Variants in FBXO17 observed in about 807,000 individuals in gnomAD.
The protein encoded by FBXO17 is F-box only protein 17.
Under a neutral mutation model 34.1 loss-of-function variants are expected in FBXO17, and 43 were observed. The ratio of observed to expected loss-of-function variants is 1.26; its 90% CI spans 0.99 to 1.62. The LOEUF (loss-of-function observed/expected upper bound fraction) is 1.62, where lower values mean the gene tolerates loss of function less well. FBXO17 is among the 40% of genes most tolerant of loss of function. FBXO17 has a pLI of 0.00. For missense variants in FBXO17, 424 were observed against 386.7 expected (o/e 1.10, Z -0.81); for synonymous variants, 169 against 166.0 (o/e 1.02, Z -0.14).
Position 38,942,614 on chromosome 19 carries a change from C to G in FBXO17, c.831G>C (p.Leu277=). The G allele has an allele frequency of 6.4e-7, 1 of 1,573,408 alleles. No individual in the cohort carries two copies. The highest frequency in any genetic ancestry group is 1.2e-5 in the South Asian group (1 of 84,490). Reference sequence around the variant, plus strand: ...TCAGGCAGTAGTCCAGTCGCTAGGACAGACGGATCCTGACCCTCACACTGG... The same window carrying G: ...TCAGGCAGTAGTCCAGTCGCTAGGAGAGACGGATCCTGACCCTCACACTGG... ...THSSVRVRIR[L]S is the part of the protein sequence containing the mutation. The change falls in exon 6 of 6, where the codon CTG becomes CTC. Residue 277 remains leucine (L), a synonymous_variant. Transcript: ENST00000292852.
chr19:38,946,427 C>T, intron 4 of FBXO17, 45 bp downstream of exon 4: 2 of 1,612,160 alleles, frequency 1.2e-6, no homozygotes, highest in East Asian at 2.2e-5. Flanking sequence ...AGAGCCGCTG[C>T]CAAGCCTGCT....
intron 5 of FBXO17, among the ~76,000 whole-genome samples, chr19:38,943,898 A>AT (rs370909294): frequency 8.5e-5 from 13 of 152,184 alleles, no homozygotes; most frequent in African/African-American, 2.6e-4. Context: ...CCCAAAATTC[A>AT]TTTTTTAAAG....
chr19:38,968,651 C>A (rs1350374416), intron 1 of FBXO17, among the ~76,000 whole-genome samples: 1 of 152,056 alleles, frequency 6.6e-6, no homozygotes, highest in African/African-American at 2.4e-5. Flanking sequence ...TGGAAACACT[C>A]CAAATGTCTA....
chr19:38,970,211 A>AG (rs1975374292), intron 1 of FBXO17, among the ~76,000 whole-genome samples: 1 of 151,790 alleles, frequency 6.6e-6, no homozygotes, highest in Non-Finnish European at 1.5e-5. Context: ...CAAAAAAAAA[A>AG]AAAAATTTTT....
rs1975443944 is a variant in FBXO17 at position 38,975,157 on chromosome 19, TCA to T, written c.-18+427_-18+428del. Among the ~76,000 whole-genome samples the T allele has an allele frequency of 2.0e-5, 3 of 152,184 alleles. No homozygotes were observed. The highest frequency in any genetic ancestry group is 7.2e-5 in the African/African-American group (3 of 41,456). On this transcript the variant is annotated intron_variant, in intron 1 of 5. Transcript: ENST00000292852. This position sits in a 1 kb window ranked among gnomAD's most constrained non-coding sequence, Gnocchi z 4.9. ...GAAACCGCCCTCCAAGGCTTCTGAT[TCA>T]CAGATTCTGCGAAGGGACTGACGGC...
intron 1 of FBXO17, among the ~76,000 whole-genome samples, chr19:38,974,523 G>A (rs1208069975): frequency 6.6e-6 from 1 of 152,106 alleles, no homozygotes; most frequent in Non-Finnish European, 1.5e-5. Context: ...TAGAGAAGCC[G>A]AAAGTAATGT....
In FBXO17 at chr19:38,973,324, G is replaced by A. The variant is rs543092329; in HGVS notation, c.-18+2262C>T. On this transcript the variant is annotated intron_variant, in intron 1 of 5. Transcript: ENST00000292852. ...CAGGAGGTGGAGGTTGCAGTGAGCCGAGATTGTGCCACTGCACTCCAGCCT... is the reference window on the plus strand; with the variant it reads ...CAGGAGGTGGAGGTTGCAGTGAGCCAAGATTGTGCCACTGCACTCCAGCCT... Among the ~76,000 whole-genome samples the A allele has an allele frequency of 6.6e-5, 10 of 152,168 alleles. No homozygotes were observed. In the East Asian group the frequency reaches 1.8e-3, roughly 27 times the overall value.
At chr19:38,942,965 CA>C (rs1160004547) in intron 5 of FBXO17, among the ~76,000 whole-genome samples, 1 of 152,178 alleles carries the variant, frequency 6.6e-6, no homozygotes, top group African/African-American at 2.4e-5. Context: ...GGTGAGGGGC[CA>C]GGGGCATTCT....
chr19:38,948,693 G>A lies in FBXO17; in HGVS notation c.350-15C>T. ...TCTGAAGCCCTCTGTGGGAAAACAA[G>A]AGTTGAACATATGGTTCACCTGCCA... On this transcript the variant is annotated splice_polypyrimidine_tract_variant and intron_variant, in intron 2 of 5. Coordinates refer to ENST00000292852, the MANE Select transcript of FBXO17 (RefSeq NM_024907.7). The A allele has an allele frequency of 6.2e-7, 1 of 1,611,372 alleles. No homozygotes were observed. The highest frequency in any genetic ancestry group is 8.5e-7 in the Non-Finnish European group (1 of 1,178,228).
At chr19:38,948,880 C>T (rs1041051500) in intron 2 of FBXO17, among the ~76,000 whole-genome samples, 2 of 152,206 alleles carry the variant, frequency 1.3e-5, no homozygotes, top group Non-Finnish European at 1.5e-5. Flanking sequence ...TGCCCATCCA[C>T]TCAGCTTCTC....
chr19:38,965,782 C>T (rs930385599), intron 1 of FBXO17, among the ~76,000 whole-genome samples: 1 of 152,086 alleles, frequency 6.6e-6, no homozygotes, highest in Non-Finnish European at 1.5e-5. Flanking sequence ...GCTGGGATTA[C>T]AGGCATGAGC....
At position 38,950,154 on chromosome 19, in the gene FBXO17, G is replaced by GCCCGTCCACTATGTCGCGC. The variant is rs1975057546; in HGVS notation, c.147_165dup (p.Pro56AlafsTer131). On this transcript the variant is annotated frameshift_variant, in exon 2 of 6. Coordinates refer to ENST00000292852, the MANE Select transcript of FBXO17 (RefSeq NM_024907.7). LOFTEE classifies it high-confidence loss of function. Reference sequence around the variant, plus strand: ...GCCAGCTGCAGCAGCCACACAGTGGGCCCGTCCACTATGTCGCGCCAGGCG... The same window carrying GCCCGTCCACTATGTCGCGC: ...GCCAGCTGCAGCAGCCACACAGTGGGCCCGTCCACTATGTCGCGCCCCGTCCACTATGTCGCGCCAGGCG... The GCCCGTCCACTATGTCGCGC allele has an allele frequency of 3.2e-6, 5 of 1,561,822 alleles. No individual in the cohort carries two copies. The South Asian group carries it at 4.7e-5, about 15-fold the overall frequency.
At chr19:38,974,674 C>T (rs1975438459) in intron 1 of FBXO17, among the ~76,000 whole-genome samples, 1 of 152,036 alleles carries the variant, frequency 6.6e-6, no homozygotes, top group Non-Finnish European at 1.5e-5. Flanking sequence ...CAAAAATATG[C>T]TGTAAAGATT....
chr19:38,962,019 C>CAT (rs1308639095), intron 1 of FBXO17, among the ~76,000 whole-genome samples: 3 of 149,860 alleles, frequency 2.0e-5, no homozygotes, highest in African/African-American at 7.4e-5. Flanking sequence ...TAAATGGAAT[C>CAT]ATATAGAGTG....
At chr19:38,948,373 T>C (rs1400133858) in intron 3 of FBXO17, among the ~76,000 whole-genome samples, 194 bp downstream of exon 3, 1 of 152,260 alleles carries the variant, frequency 6.6e-6, no homozygotes, top group Non-Finnish European at 1.5e-5. Flanking sequence ...CTAACCTTCC[T>C]GATCTTTCCT....
chr19:38,946,428 C>T (rs1974983903), intron 4 of FBXO17, 44 bp downstream of exon 4: 2 of 1,612,356 alleles, frequency 1.2e-6, no homozygotes, highest in South Asian at 1.1e-5. Context: ...GAGCCGCTGC[C>T]AAGCCTGCTG....
intron 1 of FBXO17, among the ~76,000 whole-genome samples, chr19:38,956,156 C>T (rs969168858): frequency 2.6e-5 from 4 of 151,674 alleles, no homozygotes; most frequent in African/African-American, 9.7e-5. Context: ...ATCCCAGCTA[C>T]TCAGGAGGCT....
At chr19:38,949,718 C>A (rs1975042706) in intron 2 of FBXO17, 3 of 578,122 alleles carry the variant, frequency 5.2e-6, no homozygotes, top group Non-Finnish European at 9.1e-6. Flanking sequence ...GCATACCAAA[C>A]TACTTGCTTT....
At chr19:38,945,683 G>A (rs1384031664) in intron 4 of FBXO17, 5 of 179,666 alleles carry the variant, frequency 2.8e-5, no homozygotes, top group African/African-American at 1.4e-4. Flanking sequence ...AGGGGCCTGG[G>A]TGGTCCTGGG....
Sources: allele counts gnomAD v4.1 joint callset (sites outside exome capture counted in the v4.1 genomes callset), GRCh38; gene constraint gnomAD v4.1.1; non-coding constraint Gnocchi (gnomAD v3.1); transcripts MANE v1.5; gene names NCBI Gene and HGNC (gene_info 2026-07-23, HGNC 2026-07-21).